Variants in VPS33B observed in about 807,000 individuals in gnomAD.
VPS33B encodes VPS33B late endosome and lysosome associated.
In VPS33B, 80 loss-of-function variants were observed where a neutral mutation model predicts 95.3. The observed-to-expected ratio is 0.84, with a 90% confidence interval of 0.70 to 1.01. The LOEUF is 1.01. VPS33B is among the 50% of genes least tolerant of loss of function. The pLI, the probability that VPS33B is intolerant of heterozygous loss-of-function variation, is 0.00. For missense variants in VPS33B, 715 were observed against 773.4 expected, an observed-to-expected ratio of 0.92 and a Z score of 0.90; for synonymous variants, 280 against 280.4, an observed-to-expected ratio of 1.00 and a Z score of 0.01.
chr15:91,003,783 T>C (rs1567220566), intron 16 of VPS33B, among the ~76,000 whole-genome samples: 1 of 152,216 alleles, frequency 6.6e-6, no homozygotes, highest in Non-Finnish European at 1.5e-5. Context: ...TACTAGGAAC[T>C]GCTTCACAAC....
chr15:91,004,678 G>A (rs184347475), intron 16 of VPS33B, among the ~76,000 whole-genome samples, 199 bp downstream of exon 16: 1 of 152,292 alleles, frequency 6.6e-6, no homozygotes, highest in East Asian at 1.9e-4. Flanking sequence ...TGGCCTGGAT[G>A]TGGTCCCGCT....
intron 1 of VPS33B, among the ~76,000 whole-genome samples, chr15:91,019,350 T>A (rs796073920): frequency 7.2e-5 from 11 of 152,066 alleles, no homozygotes; most frequent in African/African-American, 2.7e-4. Flanking sequence ...ACCCCTGACC[T>A]CCTCAGGTGA....
In VPS33B at chr15:90,999,630, A is replaced by AGCTGACACTTTGTTT. The variant is rs2040375272; in HGVS notation, c.1774+46_1774+47insAAACAAAGTGTCAGC. The AGCTGACACTTTGTTT allele has an allele frequency of 6.3e-7, 1 of 1,594,846 alleles. No homozygotes were observed. The highest frequency in any genetic ancestry group is 8.6e-7 in the Non-Finnish European group (1 of 1,163,226). ...CACCGTGCCCAGCTGACACTTTGTT[A>AGCTGACACTTTGTTT]CCCAGATACAATGCAGGCCAATTCT... On this transcript the variant is annotated intron_variant, in intron 22 of 22. Coordinates refer to ENST00000333371, the MANE Select transcript of VPS33B (RefSeq NM_018668.5). The surrounding 1 kb of genome is among the most constrained non-coding windows in gnomAD (Gnocchi z 5.1).
rs529172130 is a variant in VPS33B at position 91,001,649 on chromosome 15, CT to C, written c.1406-188del. ...CTTCTCCCCACCCACAGTCTTCCCC[CT>C]CCTACGGGGTACCAGCTCTCTACTA... is the stretch of plus-strand genomic sequence containing the variant. On this transcript the variant is annotated intron_variant, in intron 18 of 22. Transcript: ENST00000333371. Among the ~76,000 whole-genome samples, 3 of 152,296 alleles carry C rather than the reference CT, an allele frequency of 2.0e-5. No homozygotes were observed. The South Asian group carries it at 6.2e-4, about 32-fold the overall frequency.
chr15:91,013,033 G>A lies in VPS33B; in HGVS notation c.357+771C>T, dbSNP rs974911390. Among the ~76,000 whole-genome samples the A allele has an allele frequency of 3.9e-5, 6 of 152,206 alleles. No homozygotes were observed. Among genetic ancestry groups the A allele is most frequent in the Non-Finnish European group, 8.8e-5 (6 of 68,038 alleles). On this transcript the variant is annotated intron_variant, in intron 5 of 22. Transcript: ENST00000333371. This position sits in a 1 kb window ranked among gnomAD's most constrained non-coding sequence, Gnocchi z 4.5. ...CACATCCTTATAAGCATAGCGGATG[G>A]GAAGAGGGAGGGTGATGATTTATCG...
chr15:91,006,244 C>A lies in VPS33B; in HGVS notation c.852+128G>T. ...GAGATGCTCTGAACTGGTGGGGAAA[C>A]CCTCTCTCCCATAGACTCAGCCTCC... On this transcript the variant is annotated intron_variant, in intron 11 of 22. Transcript: ENST00000333371. The surrounding 1 kb of genome is among the most constrained non-coding windows in gnomAD (Gnocchi z 5.4). 1 of 1,443,384 alleles carries A rather than the reference C, an allele frequency of 6.9e-7. No homozygotes were observed. The highest frequency in any genetic ancestry group is 1.7e-5 in the Admixed American group (1 of 59,052). The allele number at this position is 1,443,384 out of a possible 1,614,324, so 89.4% of individuals were successfully genotyped here.
intron 16 of VPS33B, 63 bp downstream of exon 16, chr15:91,004,814 T>A (rs2151668622): frequency 6.3e-7 from 1 of 1,586,612 alleles, no homozygotes; most frequent in East Asian, 2.2e-5. Flanking sequence ...CAAAATCACT[T>A]CTTCTGTCCC....
Position 91,007,069 on chromosome 15 carries a change from C to G in VPS33B, c.604-23G>C. 6.2e-7 allele frequency: 1 copy of G among 1,605,644 alleles called. No individual in the cohort carries two copies. Among genetic ancestry groups the G allele is most frequent in the Non-Finnish European group, 8.5e-7 (1 of 1,179,374 alleles). On this transcript the variant is annotated intron_variant, in intron 8 of 22. Coordinates refer to ENST00000333371, the MANE Select transcript of VPS33B (RefSeq NM_018668.5). The surrounding 1 kb of genome is among the most constrained non-coding windows in gnomAD (Gnocchi z 5.3). Reference sequence around the variant, plus strand: ...CATCTGCCAGGGCCCAAGACATTCTCAGTCTTGTGTCCAGGTCCCTACTGC... The same window carrying G: ...CATCTGCCAGGGCCCAAGACATTCTGAGTCTTGTGTCCAGGTCCCTACTGC...
At position 91,000,292 on chromosome 15, in the gene VPS33B, G is replaced by A. The variant is rs919304685; in HGVS notation, c.1581+198C>T. On this transcript the variant is annotated intron_variant, in intron 20 of 22. Transcript: ENST00000333371. This position sits in a 1 kb window ranked among gnomAD's most constrained non-coding sequence, Gnocchi z 4.9. Reference sequence around the variant, plus strand: ...CATGCCTGTAGTCCCAGCTACTTCGGAAGCTGAGGCAGGAGAATCACTTGA... The same window carrying A: ...CATGCCTGTAGTCCCAGCTACTTCGAAAGCTGAGGCAGGAGAATCACTTGA... 3.3e-5 allele frequency among the ~76,000 whole-genome samples: 5 copies of A among 152,176 alleles called. No homozygotes were observed. Among genetic ancestry groups the A allele is most frequent in the African/African-American group, 4.8e-5 (2 of 41,438 alleles).
At chr15:91,017,945 A>C (rs2040991018) in intron 1 of VPS33B, 60 bp from the exon 2 acceptor site, 2 of 1,536,202 alleles carry the variant, frequency 1.3e-6, no homozygotes, top group African/African-American at 1.4e-5. Flanking sequence ...GCAGCTGAGA[A>C]GTGGCCCAGC....
chr15:91,017,370 ATATATAT>A (rs1567229576), intron 2 of VPS33B, among the ~76,000 whole-genome samples: 840 of 26,948 alleles, frequency 0.031, 206 homozygotes, highest in African/African-American at 0.074. Flanking sequence ...AAAATTAAAT[ATATATAT>A]ATATATATAT....
intron 6 of VPS33B, among the ~76,000 whole-genome samples, chr15:91,008,746 AAG>A (rs1184267900): frequency 4.6e-5 from 7 of 152,226 alleles, no homozygotes; most frequent in Admixed American, 3.3e-4. Context: ...TTGTGCTCCA[AAG>A]AGGTCAAACA....
At position 91,001,427 on chromosome 15, in the gene VPS33B, T is replaced by A; in HGVS notation, c.1441A>T (p.Arg481Trp). The A allele has an allele frequency of 6.2e-7, 1 of 1,613,752 alleles. No individual in the cohort carries two copies. Among genetic ancestry groups the A allele is most frequent in the Non-Finnish European group, 8.5e-7 (1 of 1,179,790 alleles). Residue 481 changes from arginine to tryptophan, a missense_variant, in exon 19 of 23, where the codon AGG becomes TGG. Coordinates refer to ENST00000333371, the MANE Select transcript of VPS33B (RefSeq NM_018668.5). ...ITDAFSSLAK[R>W]SNFRAISKKL... Reference sequence around the variant, plus strand: ...TTGCTGATGGCACGAAAATTGCTCCTCTTGGCCAGAGAACTGAAGGCATCA... The same window carrying A: ...TTGCTGATGGCACGAAAATTGCTCCACTTGGCCAGAGAACTGAAGGCATCA...
chr15:91,014,016 G>T (rs1158242460), intron 4 of VPS33B, 145 bp from the exon 5 acceptor site: 1 of 970,440 alleles, frequency 1.0e-6, no homozygotes, highest in Non-Finnish European at 1.6e-6. Context: ...TCAGGAGTTT[G>T]CGACCAGCCT....
At position 91,013,681 on chromosome 15, in the gene VPS33B, G is replaced by T. The variant is rs2040842281; in HGVS notation, c.357+123C>A. 1 of 985,450 alleles carries T rather than the reference G, an allele frequency of 1.0e-6. No individual in the cohort carries two copies. Among genetic ancestry groups the T allele is most frequent in the Non-Finnish European group, 1.6e-6 (1 of 616,516 alleles). 61.0% of individuals were successfully genotyped at this position (985,450 alleles called of 1,614,324 possible). ...GTTCATTATAAATTACCTAGTCTCAGGTATTCTGTTACAGCAACAGAAAAC... is the reference window on the plus strand; with the variant it reads ...GTTCATTATAAATTACCTAGTCTCATGTATTCTGTTACAGCAACAGAAAAC... On this transcript the variant is annotated intron_variant, in intron 5 of 22. Coordinates refer to ENST00000333371, the MANE Select transcript of VPS33B (RefSeq NM_018668.5). The surrounding 1 kb of genome is among the most constrained non-coding windows in gnomAD (Gnocchi z 4.5).
chr15:91,022,378 G>T lies in VPS33B; in HGVS notation c.-129C>A. 1 of 856,074 alleles carries T rather than the reference G, an allele frequency of 1.2e-6. No homozygotes were observed. Among genetic ancestry groups the T allele is most frequent in the South Asian group, 1.8e-5 (1 of 55,330 alleles). The allele number at this position is 856,074 out of a possible 1,614,324, so 53.0% of individuals were successfully genotyped here. On this transcript the variant is annotated 5_prime_UTR_variant, in exon 1 of 23. Transcript: ENST00000333371. ...ACCGACTTCCAGAGACCCCAGATGG[G>T]CCCTCGCTCCTCAGCAGCACTCCAG...
intron 1 of VPS33B, among the ~76,000 whole-genome samples, chr15:91,019,124 T>G (rs1335114053): frequency 1.4e-5 from 2 of 144,022 alleles, no homozygotes; most frequent in Non-Finnish European, 3.0e-5. Flanking sequence ...GTTTTTTTTT[T>G]TTTTTTTTTT....
rs1229476425 is a variant in VPS33B at position 91,007,079 on chromosome 15, T to TCCCTA, written c.604-34_604-33insTAGGG. On this transcript the variant is annotated intron_variant, in intron 8 of 22. Transcript: ENST00000333371. This position sits in a 1 kb window ranked among gnomAD's most constrained non-coding sequence, Gnocchi z 5.3. ...GGCCCAAGACATTCTCAGTCTTGTG[T>TCCCTA]CCAGGTCCCTACTGCAGCCCCATAC... 6.2e-7 allele frequency: 1 copy of TCCCTA among 1,602,736 alleles called. No homozygotes were observed. The highest frequency in any genetic ancestry group is 8.5e-7 in the Non-Finnish European group (1 of 1,178,424).
intron 6 of VPS33B, 86 bp from the exon 7 acceptor site, chr15:91,008,050 C>A: frequency 8.0e-7 from 1 of 1,248,624 alleles, no homozygotes; most frequent in Non-Finnish European, 1.2e-6. Flanking sequence ...TATTTGAGTG[C>A]GTGCAACAAA....
Sources: allele counts gnomAD v4.1 joint callset (sites outside exome capture counted in the v4.1 genomes callset), GRCh38; gene constraint gnomAD v4.1.1; non-coding constraint Gnocchi (gnomAD v3.1); transcripts MANE v1.5; gene names NCBI Gene and HGNC (gene_info 2026-07-23, HGNC 2026-07-21).